BRWD1: variants seen among roughly 807,000 people sequenced by gnomAD.
BRWD1 encodes the protein bromodomain and WD repeat-containing protein 1.
A neutral mutation model predicts 251.2 loss-of-function variants in BRWD1; 82 were observed. The observed-to-expected ratio is 0.33, with a 90% CI of 0.27 to 0.39. The LOEUF (loss-of-function observed/expected upper bound fraction) is 0.39. BRWD1 is among the 10% of genes least tolerant of loss of function. The pLI is 1.00. For synonymous variants in BRWD1, 918 were observed against 902.8 expected, an observed-to-expected ratio of 1.02 and a Z score of -0.30; for missense variants, 2,233 against 2,711.6, an observed-to-expected ratio of 0.82 and a Z score of 3.92.
intron 4 of BRWD1, among the ~76,000 whole-genome samples, chr21:39,306,836 T>C (rs138802383): frequency 2.8e-3 from 430 of 152,296 alleles, no homozygotes; most frequent in African/African-American, 9.7e-3. Flanking sequence ...TTGGTTACTG[T>C]TTAATTGATA....
At chr21:39,300,719 T>C (rs1429420284) in intron 4 of BRWD1, among the ~76,000 whole-genome samples, 1 of 152,140 alleles carries the variant, frequency 6.6e-6, no homozygotes, top group Non-Finnish European at 1.5e-5. Context: ...CAAAGCTAGA[T>C]ATATGACCCA....
intron 31 of BRWD1, among the ~76,000 whole-genome samples, chr21:39,217,722 A>G (rs533813192): frequency 6.6e-6 from 1 of 152,364 alleles, no homozygotes; most frequent in South Asian, 2.1e-4. Context: ...ATAATAAAAC[A>G]CAACATTTAC....
At chr21:39,286,918 A>G (rs966439275) in intron 8 of BRWD1, among the ~76,000 whole-genome samples, 3 of 152,188 alleles carry the variant, frequency 2.0e-5, no homozygotes, top group African/African-American at 7.2e-5. Flanking sequence ...AATCTAGATA[A>G]AAGTCGTAAT....
chr21:39,300,117 C>T (rs915715443), intron 4 of BRWD1, among the ~76,000 whole-genome samples: 4 of 152,094 alleles, frequency 2.6e-5, no homozygotes, highest in Non-Finnish European at 5.9e-5. Context: ...TACTTGTGGC[C>T]GGCATGACTG....
chr21:39,285,333 G>A (rs573598406), intron 8 of BRWD1, among the ~76,000 whole-genome samples: 8 of 152,256 alleles, frequency 5.3e-5, no homozygotes, highest in African/African-American at 1.9e-4. Context: ...TGGGGGAAGG[G>A]GGGGACCATG....
rs1182595387 is a variant in BRWD1 at position 39,270,438 on chromosome 21, CA to C, written c.1245-6del. 3 of 1,591,666 alleles carry C rather than the reference CA, an allele frequency of 1.9e-6. No homozygotes were observed. The highest frequency in any genetic ancestry group is 2.6e-6 in the Non-Finnish European group (3 of 1,169,160). Reference sequence around the variant, plus strand: ...TCCTCTTCGGAAGATAAGTCCCTAACAAAAAAATACACAACATGTAAACTTA... The same window carrying C: ...TCCTCTTCGGAAGATAAGTCCCTAACAAAAAATACACAACATGTAAACTTA... On this transcript the variant is annotated splice_polypyrimidine_tract_variant and splice_region_variant and intron_variant, in intron 13 of 40. Coordinates refer to ENST00000342449, the MANE Select transcript of BRWD1 (RefSeq NM_033656.4).
chr21:39,249,359 CT>C (rs927955296), intron 20 of BRWD1, among the ~76,000 whole-genome samples: 10 of 152,110 alleles, frequency 6.6e-5, no homozygotes, highest in African/African-American at 2.4e-4. Context: ...TAAAAGTTTT[CT>C]TTTTAATGTT....
chr21:39,209,964 G>GT (rs759663213), intron 36 of BRWD1, 31 bp downstream of exon 36: 13 of 1,600,718 alleles, frequency 8.1e-6, no homozygotes, highest in South Asian at 4.5e-5. Context: ...AGATCAGGCA[G>GT]TTTTTTTCAA....
intron 28 of BRWD1, among the ~76,000 whole-genome samples, chr21:39,224,747 T>C (rs2033313053): frequency 6.6e-6 from 1 of 152,196 alleles, no homozygotes; most frequent in Non-Finnish European, 1.5e-5. Context: ...CAATGGTTTT[T>C]ATCCCATTGC....
chr21:39,189,340 C>CT lies in BRWD1; in HGVS notation c.*6918dup, dbSNP rs1348164366. 1 of 985,196 alleles carries CT rather than the reference C, an allele frequency of 1.0e-6. No homozygotes were observed. The highest frequency in any genetic ancestry group is 4.7e-5 in the South Asian group (1 of 21,284). The allele number at this position is 985,196 out of a possible 1,614,324, so 61.0% of individuals were successfully genotyped here. A position where few individuals can be genotyped will look rare whatever the true frequency, so the allele number is the denominator to read the frequency against. ...TTCAACTACAATTTGTAACAAAATG[C>CT]TTTAAGTTGCAGAAATTCCATTTTG... On this transcript the variant is annotated 3_prime_UTR_variant, in exon 41 of 41. Transcript: ENST00000342449.
chr21:39,190,928 C>T lies in BRWD1; in HGVS notation c.*5331G>A, dbSNP rs1251462747. ...CTGAATTTTTGTTCTTATTCTGGAACTACAACTAATCTAGCTCATCACAAT... is the reference window on the plus strand; with the variant it reads ...CTGAATTTTTGTTCTTATTCTGGAATTACAACTAATCTAGCTCATCACAAT... On this transcript the variant is annotated 3_prime_UTR_variant, in exon 41 of 41. Coordinates refer to ENST00000342449, the MANE Select transcript of BRWD1 (RefSeq NM_033656.4). 6.1e-6 allele frequency: 6 copies of T among 985,316 alleles called. No individual in the cohort carries two copies. The highest frequency in any genetic ancestry group is 7.2e-6 in the Non-Finnish European group (6 of 829,888). 61.0% of individuals were successfully genotyped at this position (985,316 alleles called of 1,614,324 possible). A position where few individuals can be genotyped will look rare whatever the true frequency, so the allele number is the denominator to read the frequency against.
intron 29 of BRWD1, among the ~76,000 whole-genome samples, chr21:39,221,084 G>A (rs1410734693): frequency 6.6e-6 from 1 of 151,316 alleles, no homozygotes; most frequent in South Asian, 2.1e-4. Flanking sequence ...GAACCTGGGA[G>A]GTGGAGGTTG....
At chr21:39,246,229 G>C (rs896891731) in intron 21 of BRWD1, among the ~76,000 whole-genome samples, 2 of 152,062 alleles carry the variant, frequency 1.3e-5, no homozygotes, top group Non-Finnish European at 2.9e-5. Context: ...CCCAAAAAAA[G>C]TGAAAAATAA....
chr21:39,199,287 C>T lies in BRWD1; in HGVS notation c.5129G>A (p.Ser1710Asn), dbSNP rs777803496. 4.3e-6 allele frequency: 7 copies of T among 1,614,198 alleles called. No individual in the cohort carries two copies. The highest frequency in any genetic ancestry group is 5.9e-6 in the Non-Finnish European group (7 of 1,180,038). The change falls in exon 40 of 41, where the codon AGC (serine) becomes AAC (asparagine). Residue 1710 changes from serine (S) to asparagine (N), a missense_variant. Transcript: ENST00000342449. ...LPVSSSHTAQ[S>N]NVDESENRDS... ...TCTGTTTTCAGATTCATCAACATTG[C>T]TCTGGGCAGTGTGAGAACTGGACAC...
Position 39,190,589 on chromosome 21 carries a change from T to C in BRWD1, c.*5670A>G, listed in dbSNP as rs972394892. On this transcript the variant is annotated 3_prime_UTR_variant, in exon 41 of 41. Transcript: ENST00000342449. ...AAGACTTGAGATATTCTCTCCTCTG[T>C]CTGCCCTTCATTGATAAGCAATGAA... is the stretch of plus-strand genomic sequence containing the variant. 20 of 985,400 alleles carry C rather than the reference T, an allele frequency of 2.0e-5. 1 individual carries two copies. The South Asian group carries it at 6.1e-4, about 30-fold the overall frequency. 61.0% of individuals were successfully genotyped at this position (985,400 alleles called of 1,614,324 possible).
chr21:39,263,790 T>C (rs2034832006), intron 17 of BRWD1, among the ~76,000 whole-genome samples: 1 of 152,156 alleles, frequency 6.6e-6, no homozygotes. Flanking sequence ...CACAAATTAC[T>C]ATTAATTACA....
intron 18 of BRWD1, among the ~76,000 whole-genome samples, chr21:39,257,399 AAAT>A (rs1367157132): frequency 1.3e-5 from 2 of 152,206 alleles, no homozygotes; most frequent in Admixed American, 6.5e-5. Context: ...AATTATGAGG[AAAT>A]AATTAGACAA....
At position 39,187,439 on chromosome 21, in the gene BRWD1, A is replaced by C; in HGVS notation, c.*8820T>G. On this transcript the variant is annotated 3_prime_UTR_variant, in exon 41 of 41. Transcript: ENST00000342449. ...AATTCTGAAAAATGAGTGAAAGTTC[A>C]TGTAAATGCAAAAATCTTGTAACAC... is the stretch of plus-strand genomic sequence containing the variant. 1 of 1,530,332 alleles carries C rather than the reference A, an allele frequency of 6.5e-7. No homozygotes were observed. Among genetic ancestry groups the C allele is most frequent in the Non-Finnish European group, 8.8e-7 (1 of 1,142,690 alleles). 94.8% of individuals were successfully genotyped at this position (1,530,332 alleles called of 1,614,324 possible).
In BRWD1 at chr21:39,197,325, T is replaced by C; in HGVS notation, c.5744A>G (p.Lys1915Arg). 6.2e-7 allele frequency: 1 copy of C among 1,614,098 alleles called. No individual in the cohort carries two copies. The highest frequency in any genetic ancestry group is 8.5e-7 in the Non-Finnish European group (1 of 1,179,954). ...SDSDSSLQVV[K>R]KSSKARTGLL... ...ACCTGTTCTGGCTTTTGATGATTTC[T>C]TAACCACCTGTAAACTACTGTCTGA... The change falls in exon 41 of 41, where the codon AAG (lysine) becomes AGG (arginine). Residue 1915 changes from lysine to arginine, a missense_variant. Transcript: ENST00000342449.
Sources: allele counts gnomAD v4.1 joint callset (sites outside exome capture counted in the v4.1 genomes callset), GRCh38; gene constraint gnomAD v4.1.1; transcripts MANE v1.5; gene names NCBI Gene and HGNC (gene_info 2026-07-23, HGNC 2026-07-21).